MUSK: variants seen among roughly 807,000 people sequenced by gnomAD.
MUSK encodes muscle associated receptor tyrosine kinase.
A neutral mutation model predicts 88.7 loss-of-function variants in MUSK; 55 were observed. The ratio of observed to expected loss-of-function variants is 0.62; its 90% confidence interval spans 0.50 to 0.78. MUSK has a LOEUF of 0.78. Ranked by LOEUF, MUSK falls within the 30% of genes least tolerant of loss-of-function variation. The probability of loss-of-function intolerance (pLI) is 0.00; values close to 1 mark genes in which losing one functional copy is unlikely to be tolerated. For synonymous variants in MUSK, 387 were observed against 391.9 expected (o/e 0.99, Z 0.15); for missense variants, 1,015 against 1,074.3 (o/e 0.94, Z 0.77).
At chr9:110,694,039 T>G (rs2076393112) in intron 3 of MUSK, among the ~76,000 whole-genome samples, 1 of 151,900 alleles carries the variant, frequency 6.6e-6, no homozygotes, top group South Asian at 2.1e-4. Flanking sequence ...TTCTTGTATT[T>G]TTGCTATAAC....
intron 6 of MUSK, among the ~76,000 whole-genome samples, chr9:110,742,184 C>T (rs926121182): frequency 4.6e-5 from 7 of 152,034 alleles, no homozygotes; most frequent in Admixed American, 1.3e-4. Flanking sequence ...GGGCCGGGTG[C>T]GGTGACTCAC....
intron 1 of MUSK, among the ~76,000 whole-genome samples, chr9:110,682,320 T>G (rs1321437410): frequency 6.6e-6 from 1 of 152,134 alleles, no homozygotes; most frequent in Non-Finnish European, 1.5e-5. Context: ...TCACTTCCCT[T>G]TATGCTGATG....
chr9:110,693,489 G>C (rs62571347), intron 3 of MUSK, among the ~76,000 whole-genome samples: 1 of 152,224 alleles, frequency 6.6e-6, no homozygotes, highest in African/African-American at 2.4e-5. Flanking sequence ...TGGTCCATCA[G>C]CTAAAGTCTC....
At chr9:110,756,351 G>T (rs1287542645) in intron 7 of MUSK, among the ~76,000 whole-genome samples, 2 of 151,700 alleles carry the variant, frequency 1.3e-5, no homozygotes, top group East Asian at 3.9e-4. Flanking sequence ...GAGGTAACCT[G>T]CAATTGCTTA....
At chr9:110,689,801 A>AACT (rs1203642241) in intron 3 of MUSK, among the ~76,000 whole-genome samples, 1 of 73,260 alleles carries the variant, frequency 1.4e-5, no homozygotes, top group African/African-American at 5.2e-5. Flanking sequence ...TTTAATATAT[A>AACT]ATATATAACT....
chr9:110,802,183 T>C lies in MUSK; in HGVS notation c.*1195T>C, dbSNP rs1267280207. 2.6e-5 allele frequency among the ~76,000 whole-genome samples: 4 copies of C among 152,128 alleles called. No individual in the cohort carries two copies. The highest frequency in any genetic ancestry group is 9.7e-5 in the African/African-American group (4 of 41,440). ...TTAATATCGTTCTGCTTAACAACTT[T>C]GTGCATGACATATTAACTGATTTTG... On this transcript the variant is annotated 3_prime_UTR_variant, in exon 15 of 15. Coordinates refer to ENST00000374448, the MANE Select transcript of MUSK (RefSeq NM_005592.4).
intron 5 of MUSK, among the ~76,000 whole-genome samples, chr9:110,701,685 CTTTA>C (rs2076510471): frequency 6.1e-4 from 2 of 3,276 alleles, no homozygotes; most frequent in African/African-American, 3.1e-3. Context: ...ATTTTTTTTA[CTTTA>C]CTTTATTTTA....
At chr9:110,676,139 T>C (rs1441413523) in intron 1 of MUSK, among the ~76,000 whole-genome samples, 1 of 151,896 alleles carries the variant, frequency 6.6e-6, no homozygotes, top group Non-Finnish European at 1.5e-5. Flanking sequence ...ACAATTTTTT[T>C]CTATTATGAA....
At chr9:110,688,687 T>C (rs1366695879) in intron 3 of MUSK, among the ~76,000 whole-genome samples, 3 of 151,900 alleles carry the variant, frequency 2.0e-5, no homozygotes, top group African/African-American at 7.3e-5. Flanking sequence ...CATCGTTAGC[T>C]CCCACTTCTA....
intron 11 of MUSK, among the ~76,000 whole-genome samples, chr9:110,780,468 T>G (rs2077733509): frequency 6.6e-6 from 1 of 152,250 alleles, no homozygotes; most frequent in South Asian, 2.1e-4. Flanking sequence ...CCCCTTCACA[T>G]GTATCCTGAA....
intron 13 of MUSK, among the ~76,000 whole-genome samples, chr9:110,786,918 C>T (rs1437503127): frequency 3.3e-5 from 5 of 152,142 alleles, no homozygotes; most frequent in East Asian, 1.9e-4. Context: ...GTGGCCCTGG[C>T]GTAGAGGTTA....
At chr9:110,734,109 C>A in intron 5 of MUSK, 142 bp from the exon 6 acceptor site, 3 of 872,238 alleles carry the variant, frequency 3.4e-6, no homozygotes. Flanking sequence ...TCGGCCATGG[C>A]ATGTGGTATT....
intron 7 of MUSK, among the ~76,000 whole-genome samples, chr9:110,752,126 G>C (rs1203210112): frequency 6.6e-6 from 1 of 152,106 alleles, no homozygotes; most frequent in Non-Finnish European, 1.5e-5. Flanking sequence ...CCTAATAAGG[G>C]TGTGTCATGA....
intron 11 of MUSK, among the ~76,000 whole-genome samples, chr9:110,781,996 G>A (rs2077768679): frequency 6.6e-6 from 1 of 152,140 alleles, no homozygotes; most frequent in African/African-American, 2.4e-5. Flanking sequence ...TGCCAGCCCT[G>A]AACGAGACTC....
intron 5 of MUSK, among the ~76,000 whole-genome samples, chr9:110,720,749 A>T (rs2076801041): frequency 6.6e-6 from 1 of 152,168 alleles, no homozygotes; most frequent in Non-Finnish European, 1.5e-5. Flanking sequence ...CTATGAAGGC[A>T]GTATCACCCT....
intron 5 of MUSK, among the ~76,000 whole-genome samples, chr9:110,709,284 A>G: frequency 6.6e-6 from 1 of 152,202 alleles, no homozygotes; most frequent in East Asian, 1.9e-4. Flanking sequence ...ACAACAAACT[A>G]TACAAGGCAT....
chr9:110,755,922 A>ATATATATATACATATATATATATATACG, intron 7 of MUSK, among the ~76,000 whole-genome samples: 1 of 106,706 alleles, frequency 9.4e-6, no homozygotes, highest in East Asian at 3.3e-4. Flanking sequence ...GCCCAGTGCC[A>ATATATATATACATATATATATATATACG]TATATATATA....
chr9:110,747,832 A>G, intron 7 of MUSK, 32 bp downstream of exon 7: 2 of 1,607,422 alleles, frequency 1.2e-6, no homozygotes, highest in African/African-American at 1.3e-5. Flanking sequence ...GCGTTGTTCC[A>G]GGAGAGGGGA....
At chr9:110,672,568 A>G (rs2075973041) in intron 1 of MUSK, among the ~76,000 whole-genome samples, 1 of 152,176 alleles carries the variant, frequency 6.6e-6, no homozygotes, top group Non-Finnish European at 1.5e-5. Flanking sequence ...CATGAGATAC[A>G]GATTGGATCA....
Sources: gnomAD v4.1 joint callset for allele counts (sites outside exome capture counted in the v4.1 genomes callset) on GRCh38, gnomAD v4.1.1 for gene constraint, MANE v1.5 for transcripts, NCBI Gene and HGNC (gene_info 2026-07-23, HGNC 2026-07-21) for gene names.